Variants in ZNF292 observed in about 807,000 individuals in gnomAD.
ZNF292 encodes the protein 16 zinc-finger domain protein.
In ZNF292, 26 loss-of-function variants were observed where a neutral mutation model predicts 217.9. That is an observed-to-expected ratio of 0.12 (90% CI 0.09 to 0.17). The LOEUF is 0.17. ZNF292 is among the 10% of genes least tolerant of loss of function. ZNF292 has a pLI of 1.00. For synonymous variants in ZNF292, 1,257 were observed against 1,124.1 expected, an observed-to-expected ratio of 1.12 and a Z score of -2.37; for missense variants, 2,904 against 3,175.2, an observed-to-expected ratio of 0.91 and a Z score of 2.05.
chr6:87,246,229 TCAAA>T (rs996279185), intron 7 of ZNF292, among the ~76,000 whole-genome samples: 80 of 152,090 alleles, frequency 5.3e-4, no homozygotes, highest in African/African-American at 1.6e-3. Flanking sequence ...AGACTCCATC[TCAAA>T]CAAACAAACA....
chr6:87,247,266 C>T (rs1446623581), intron 7 of ZNF292, among the ~76,000 whole-genome samples: 2 of 85,300 alleles, frequency 2.3e-5, no homozygotes, highest in South Asian at 7.3e-4. Context: ...CCCCTGCCAC[C>T]CGCAACACAC....
At chr6:87,234,862 G>A (rs891422057) in intron 5 of ZNF292, among the ~76,000 whole-genome samples, 1 of 152,020 alleles carries the variant, frequency 6.6e-6, no homozygotes, top group African/African-American at 2.4e-5. Context: ...AATGATGATT[G>A]TGTGATTTTT....
At chr6:87,171,602 A>G (rs920244457) in intron 1 of ZNF292, among the ~76,000 whole-genome samples, 4 of 152,182 alleles carry the variant, frequency 2.6e-5, no homozygotes, top group Middle Eastern at 3.2e-3. Flanking sequence ...TTAGTTTTAA[A>G]AAGTTATTTA....
intron 1 of ZNF292, among the ~76,000 whole-genome samples, chr6:87,201,208 A>G (rs1772090289): frequency 6.6e-6 from 1 of 152,220 alleles, no homozygotes; most frequent in Admixed American, 6.5e-5. Flanking sequence ...AATATGAGAT[A>G]CAAAATGTCT....
intron 1 of ZNF292, among the ~76,000 whole-genome samples, chr6:87,209,624 C>A (rs1562141593): frequency 6.6e-6 from 1 of 152,100 alleles, no homozygotes; most frequent in African/African-American, 2.4e-5. Flanking sequence ...ATAGGAGAAA[C>A]CTGCTCTTTT....
intron 3 of ZNF292, among the ~76,000 whole-genome samples, chr6:87,217,753 A>G (rs1772862934): frequency 6.6e-6 from 1 of 152,104 alleles, no homozygotes; most frequent in Non-Finnish European, 1.5e-5. Context: ...TGGAATGGGA[A>G]TATTTGGATG....
At chr6:87,194,554 C>T (rs1452833566) in intron 1 of ZNF292, among the ~76,000 whole-genome samples, 1 of 152,034 alleles carries the variant, frequency 6.6e-6, no homozygotes, top group Non-Finnish European at 1.5e-5. Flanking sequence ...AAGTTTGCTG[C>T]TCTGTAGCAC....
intron 1 of ZNF292, among the ~76,000 whole-genome samples, chr6:87,204,705 A>G (rs1772195170): frequency 6.6e-6 from 1 of 151,890 alleles, no homozygotes; most frequent in Admixed American, 6.6e-5. Context: ...CTGGGATTAC[A>G]GGCGCCTTCC....
At chr6:87,202,400 C>G (rs1772123607) in intron 1 of ZNF292, among the ~76,000 whole-genome samples, 1 of 152,112 alleles carries the variant, frequency 6.6e-6, no homozygotes, top group South Asian at 2.1e-4. Flanking sequence ...GATCTTATAT[C>G]TAACTACTAT....
intron 5 of ZNF292, among the ~76,000 whole-genome samples, chr6:87,239,596 G>T (rs1223564244): frequency 6.7e-6 from 1 of 149,634 alleles, no homozygotes; most frequent in African/African-American, 2.5e-5. Context: ...CCCAGACGGG[G>T]CGGCTGCTGG....
chr6:87,199,300 C>G (rs1376169049), intron 1 of ZNF292, among the ~76,000 whole-genome samples: 1 of 152,138 alleles, frequency 6.6e-6, no homozygotes, highest in Non-Finnish European at 1.5e-5. Flanking sequence ...CTTTGGTGAA[C>G]TGTCCATTTA....
intron 1 of ZNF292, among the ~76,000 whole-genome samples, chr6:87,178,267 A>G (rs7767449): frequency 6.6e-6 from 1 of 151,972 alleles, no homozygotes; most frequent in Non-Finnish European, 1.5e-5. Flanking sequence ...AAAAGAGGGA[A>G]CATGCCTAGT....
At chr6:87,247,204 T>A (rs1350095426) in intron 7 of ZNF292, among the ~76,000 whole-genome samples, 1 of 149,564 alleles carries the variant, frequency 6.7e-6, no homozygotes, top group Non-Finnish European at 1.5e-5. Context: ...GGGCCAGCTC[T>A]TCTTGTCTAC....
chr6:87,198,436 C>A (rs1249596259), intron 1 of ZNF292, among the ~76,000 whole-genome samples: 11 of 152,174 alleles, frequency 7.2e-5, no homozygotes, highest in Admixed American at 7.2e-4. Context: ...GATCTCCTCA[C>A]CTCGTGATCC....
At position 87,238,692 on chromosome 6, in the gene ZNF292, T is replaced by A. The variant is rs1300192114; in HGVS notation, c.742-4783T>A. On this transcript the variant is annotated intron_variant, in intron 5 of 7. Coordinates refer to ENST00000369577, the MANE Select transcript of ZNF292 (RefSeq NM_015021.3). The stretch of plus-strand genomic sequence containing the variant: ...TCTTTTTGGTTTTGATTTATATATT[T>A]TTTTTTTAATTGATCATTCTTGGGT... Among the ~76,000 whole-genome samples, 785 of 151,812 alleles carry A rather than the reference T, an allele frequency of 5.2e-3. 8 individuals are homozygous for A. The highest frequency in any genetic ancestry group is 0.018 in the African/African-American group (725 of 41,370).
At chr6:87,196,634 A>T (rs1582406654) in intron 1 of ZNF292, among the ~76,000 whole-genome samples, 1 of 152,184 alleles carries the variant, frequency 6.6e-6, no homozygotes, top group African/African-American at 2.4e-5. Context: ...CTCAAAGTTG[A>T]TATACTGTGG....
chr6:87,260,063 C>T lies in ZNF292; in HGVS notation c.6434C>T (p.Ala2145Val). 2 of 1,613,574 alleles carry T rather than the reference C, an allele frequency of 1.2e-6. No homozygotes were observed. Among genetic ancestry groups the T allele is most frequent in the African/African-American group, 2.7e-5 (2 of 75,010 alleles). Residue 2145 changes from alanine to valine, a missense_variant, in exon 8 of 8, where the codon GCA (alanine) becomes GTA (valine). Around this residue, in one of 15 missense-constraint regions of ZNF292, gnomAD observed 261 missense variants for 272.8 expected, o/e 0.96. Transcript: ENST00000369577. Reference protein sequence around the residue: ...YQAVHKSDLPAFSAEVEEESE... With the variant: ...YQAVHKSDLPVFSAEVEEESE... ...GCTGTACACAAATCAGATCTACCTG[C>T]ATTTTCAGCAGAGGTCGAAGAGGAA...
intron 1 of ZNF292, among the ~76,000 whole-genome samples, chr6:87,190,936 C>T (rs1208390730): frequency 3.3e-5 from 5 of 152,006 alleles, no homozygotes; most frequent in Admixed American, 2.6e-4. Context: ...TAAATTGTTC[C>T]ACTCTTCAGA....
intron 7 of ZNF292, among the ~76,000 whole-genome samples, chr6:87,246,808 A>G (rs1774611789): frequency 6.6e-6 from 1 of 152,146 alleles, no homozygotes; most frequent in African/African-American, 2.4e-5. Context: ...GTGAGCCGAG[A>G]TTGCACCACT....
Sources: gnomAD v4.1 joint callset for allele counts (sites outside exome capture counted in the v4.1 genomes callset) on GRCh38, gnomAD v4.1.1 for gene constraint, gnomAD v4.1.1 regional missense constraint, MANE v1.5 for transcripts, NCBI Gene and HGNC (gene_info 2026-07-23, HGNC 2026-07-21) for gene names.